LMO7: variants seen among roughly 807,000 people sequenced by gnomAD.
LMO7 encodes LIM domain only protein 7.
Under a neutral mutation model 206.5 loss-of-function variants are expected in LMO7, and 120 were observed. The observed-to-expected ratio is 0.58, with a 90% confidence interval of 0.50 to 0.68. The LOEUF (loss-of-function observed/expected upper bound fraction) is 0.68. Ranked by LOEUF, LMO7 falls within the 30% of genes least tolerant of loss-of-function variation. The probability of loss-of-function intolerance (pLI) is 0.00; values close to 1 mark genes in which losing one functional copy is unlikely to be tolerated. For synonymous variants in LMO7, 706 were observed against 681.5 expected (o/e 1.04, Z -0.56); for missense variants, 1,959 against 1,957.9 (o/e 1.00, Z -0.01).
At chr13:75,711,584 G>A (rs537920239) in intron 1 of LMO7, among the ~76,000 whole-genome samples, 3 of 152,138 alleles carry the variant, frequency 2.0e-5, no homozygotes, top group African/African-American at 4.8e-5. Flanking sequence ...ACGATGCCTC[G>A]CCCTGCTTCG....
At chr13:75,697,909 T>G (rs920230022) in intron 1 of LMO7, among the ~76,000 whole-genome samples, 2 of 152,314 alleles carry the variant, frequency 1.3e-5, no homozygotes, top group East Asian at 3.9e-4. Context: ...AAAAACTGTT[T>G]CTGCAAGTTG....
chr13:75,748,655 T>C (rs1259400685), intron 3 of LMO7, among the ~76,000 whole-genome samples: 1 of 151,844 alleles, frequency 6.6e-6, no homozygotes, highest in East Asian at 1.9e-4. Flanking sequence ...AGATGTGAGG[T>C]TGGAGTATGA....
intron 3 of LMO7, among the ~76,000 whole-genome samples, chr13:75,741,800 A>G (rs1249995878): frequency 6.6e-6 from 1 of 152,230 alleles, no homozygotes; most frequent in Non-Finnish European, 1.5e-5. Flanking sequence ...AGCTGGAAGC[A>G]TTGCCCTTGA....
intron 1 of LMO7, among the ~76,000 whole-genome samples, chr13:75,638,179 G>C (rs952553591): frequency 1.5e-4 from 23 of 152,228 alleles, no homozygotes; most frequent in Admixed American, 1.5e-3. Context: ...GACATGTTTT[G>C]GTCATACATG....
chr13:75,802,848 T>C lies in LMO7; in HGVS notation c.662-1441T>C, dbSNP rs933909474. ...TCCTAAATTGATGAGCACTATAATG[T>C]AGGGTAATATTTTTAGGATAACAGA... On this transcript the variant is annotated intron_variant, in intron 7 of 30. Coordinates refer to ENST00000377534, the MANE Select transcript of LMO7 (RefSeq NM_001306080.2). Among the ~76,000 whole-genome samples, 7 of 152,184 alleles carry C rather than the reference T, an allele frequency of 4.6e-5. No homozygotes were observed. In the South Asian group the frequency reaches 1.4e-3, roughly 32 times the overall value.
chr13:75,784,596 T>G (rs2052101828), intron 4 of LMO7, among the ~76,000 whole-genome samples: 1 of 152,186 alleles, frequency 6.6e-6, no homozygotes, highest in African/African-American at 2.4e-5. Context: ...ATATATTAAA[T>G]CACAGCTAAG....
chr13:75,676,762 A>T (rs2040049027), intron 1 of LMO7, among the ~76,000 whole-genome samples: 2 of 152,208 alleles, frequency 1.3e-5, no homozygotes, highest in South Asian at 4.1e-4. Context: ...TAAGTTGAGG[A>T]TAACCCCCTC....
intron 1 of LMO7, among the ~76,000 whole-genome samples, chr13:75,691,631 C>T (rs1026171725): frequency 4.8e-4 from 73 of 152,160 alleles, no homozygotes; most frequent in Non-Finnish European, 1.9e-4. Context: ...CTCTCTTTCT[C>T]CTATAGCCTT....
chr13:75,755,842 T>C (rs1236448473), intron 3 of LMO7, among the ~76,000 whole-genome samples: 2 of 152,220 alleles, frequency 1.3e-5, no homozygotes, highest in Non-Finnish European at 2.9e-5. Flanking sequence ...GAGATTCCAT[T>C]CTTCTAGTGA....
intron 1 of LMO7, among the ~76,000 whole-genome samples, chr13:75,662,822 C>CT (rs2139280114): frequency 6.6e-6 from 1 of 152,270 alleles, no homozygotes; most frequent in South Asian, 2.1e-4. Flanking sequence ...TGAAGGAGGA[C>CT]TGTGTGAGCA....
Position 75,853,351 on chromosome 13 carries a change from C to T in LMO7, c.4624C>T (p.Pro1542Ser), listed in dbSNP as rs1189999707. Residue 1542 changes from proline (P) to serine (S), a missense_variant, in exon 28 of 31, where the codon CCT (proline) becomes TCT (serine). Coordinates refer to ENST00000377534, the MANE Select transcript of LMO7 (RefSeq NM_001306080.2). ...GTCCCCCACCCCGAGAAGCCATTCC[C>T]CTTCAGCTTCACAGTCAGGCTCTCA... is the stretch of plus-strand genomic sequence containing the variant. ...TQSPTPRSHS[P>S]SASQSGSQLR... 1 of 1,612,012 alleles carries T rather than the reference C, an allele frequency of 6.2e-7. No individual in the cohort carries two copies. The highest frequency in any genetic ancestry group is 1.3e-5 in the African/African-American group (1 of 74,894).
chr13:75,844,640 C>T (rs1352991400), intron 25 of LMO7, among the ~76,000 whole-genome samples: 1 of 152,014 alleles, frequency 6.6e-6, no homozygotes. Flanking sequence ...AACTCCTGAC[C>T]TCAAGTGATC....
intron 1 of LMO7, among the ~76,000 whole-genome samples, chr13:75,657,265 G>A (rs182967241): frequency 6.4e-4 from 98 of 152,272 alleles, no homozygotes; most frequent in Admixed American, 1.2e-3. Context: ...TCAGAACTGT[G>A]AAATAATAAA....
chr13:75,804,194 G>A, intron 7 of LMO7, 95 bp from the exon 8 acceptor site: 6 of 1,279,060 alleles, frequency 4.7e-6, no homozygotes, highest in Non-Finnish European at 6.5e-6. Context: ...GGCAGCACTG[G>A]GTTTCTAAGG....
intron 4 of LMO7, among the ~76,000 whole-genome samples, chr13:75,793,847 C>T (rs574947977): frequency 6.6e-6 from 1 of 152,298 alleles, no homozygotes; most frequent in South Asian, 2.1e-4. Context: ...CAAGGGTAAC[C>T]ACTACCCTGA....
At chr13:75,686,803 A>T (rs899760549) in intron 1 of LMO7, among the ~76,000 whole-genome samples, 44 of 152,154 alleles carry the variant, frequency 2.9e-4, no homozygotes, top group African/African-American at 1.0e-3. Flanking sequence ...CTTATTTCTC[A>T]TAGTTCTGGA....
intron 1 of LMO7, among the ~76,000 whole-genome samples, chr13:75,710,320 T>C (rs539980846): frequency 8.4e-4 from 128 of 152,342 alleles, no homozygotes; most frequent in Admixed American, 2.3e-3. Context: ...AAGTAGTTTT[T>C]TCTAATTCTG....
chr13:75,756,464 A>C (rs1374987822), intron 3 of LMO7, among the ~76,000 whole-genome samples: 1 of 152,200 alleles, frequency 6.6e-6, no homozygotes, highest in East Asian at 1.9e-4. Flanking sequence ...CTTTTCAGTG[A>C]AAAGCAAAGA....
At chr13:75,842,734 C>T (rs2059651423) in intron 24 of LMO7, 117 bp from the exon 25 acceptor site, 8 of 646,878 alleles carry the variant, frequency 1.2e-5, no homozygotes, top group South Asian at 1.9e-5. Context: ...AGTTTTTAAC[C>T]CAAAGACCAT....
Sources: allele counts gnomAD v4.1 joint callset (sites outside exome capture counted in the v4.1 genomes callset), GRCh38; gene constraint gnomAD v4.1.1; transcripts MANE v1.5; gene names NCBI Gene and HGNC (gene_info 2026-07-23, HGNC 2026-07-21).